CDKAL1: variants seen among roughly 807,000 people sequenced by gnomAD.
The protein encoded by CDKAL1 is CDKAL1 threonylcarbamoyladenosine tRNA methylthiotransferase.
In CDKAL1, 32 loss-of-function variants were observed where a neutral mutation model predicts 68.2. The observed-to-expected ratio is 0.47, with a 90% confidence interval of 0.35 to 0.63. The LOEUF (loss-of-function observed/expected upper bound fraction) is 0.63, where lower values mean the gene tolerates loss of function less well. CDKAL1 is among the 30% of genes least tolerant of loss of function. CDKAL1 has a pLI of 0.00. For missense variants in CDKAL1, 606 were observed against 696.7 expected (o/e 0.87, Z 1.47); for synonymous variants, 234 against 244.3 (o/e 0.96, Z 0.39).
chr6:20,702,392 G>A (rs1395219228), intron 5 of CDKAL1, among the ~76,000 whole-genome samples: 1 of 152,178 alleles, frequency 6.6e-6, no homozygotes, highest in Admixed American at 6.5e-5. Flanking sequence ...CAAGGACAGA[G>A]GGCTTTCTGT....
intron 5 of CDKAL1, among the ~76,000 whole-genome samples, chr6:20,692,657 T>G (rs763715297): frequency 4.6e-5 from 7 of 152,100 alleles, no homozygotes; most frequent in Non-Finnish European, 1.0e-4. Context: ...TAACAGTAAT[T>G]ATCAGTTTTG....
chr6:20,974,812 C>G (rs1471295050), intron 10 of CDKAL1, among the ~76,000 whole-genome samples: 1 of 59,982 alleles, frequency 1.7e-5, no homozygotes, highest in Non-Finnish European at 3.7e-5. Context: ...GACCCAGTCT[C>G]TGCAAAAAAA....
At chr6:20,985,999 C>G (rs1766433602) in intron 10 of CDKAL1, among the ~76,000 whole-genome samples, 1 of 151,966 alleles carries the variant, frequency 6.6e-6, no homozygotes, top group African/African-American at 2.4e-5. Flanking sequence ...CAACATTGTT[C>G]TAATGGTAAT....
At chr6:21,061,161 C>T (rs1026225221) in intron 11 of CDKAL1, among the ~76,000 whole-genome samples, 9 of 152,048 alleles carry the variant, frequency 5.9e-5, no homozygotes, top group African/African-American at 2.2e-4. Context: ...TTTGCCTGTT[C>T]CTTACATGTC....
intron 9 of CDKAL1, among the ~76,000 whole-genome samples, chr6:20,864,738 A>G (rs1056484059): frequency 2.0e-5 from 3 of 152,192 alleles, no homozygotes; most frequent in Middle Eastern, 3.2e-3. Context: ...CTATTTCTTG[A>G]CATTTTATGA....
At chr6:21,169,779 A>G (rs948168302) in intron 13 of CDKAL1, among the ~76,000 whole-genome samples, 9 of 152,208 alleles carry the variant, frequency 5.9e-5, no homozygotes, top group Non-Finnish European at 8.8e-5. Context: ...GGGAGGCCTC[A>G]TAATCATGGT....
intron 5 of CDKAL1, among the ~76,000 whole-genome samples, chr6:20,680,408 A>G (rs1021464264): frequency 5.3e-5 from 8 of 152,186 alleles, no homozygotes; most frequent in Non-Finnish European, 1.0e-4. Flanking sequence ...TTAGAATTTT[A>G]TGTAGGTGTT....
intron 9 of CDKAL1, among the ~76,000 whole-genome samples, chr6:20,856,374 C>G (rs1443214297): frequency 6.6e-6 from 1 of 152,174 alleles, no homozygotes; most frequent in Non-Finnish European, 1.5e-5. Context: ...AAAAACCATA[C>G]TTTTTAAGTG....
chr6:20,654,079 C>T (rs937907564), intron 5 of CDKAL1, among the ~76,000 whole-genome samples: 6 of 151,652 alleles, frequency 4.0e-5, no homozygotes, highest in Non-Finnish European at 7.4e-5. Context: ...GATGTGGTTT[C>T]ACTGTGTTGG....
intron 11 of CDKAL1, among the ~76,000 whole-genome samples, chr6:21,056,275 C>T (rs1770828766): frequency 1.3e-5 from 2 of 152,096 alleles, no homozygotes; most frequent in South Asian, 2.1e-4. Flanking sequence ...ATTTTGTTCT[C>T]TTTGAGGCAA....
intron 13 of CDKAL1, among the ~76,000 whole-genome samples, chr6:21,138,262 GTA>G (rs2151030376): frequency 6.6e-6 from 1 of 150,820 alleles, no homozygotes; most frequent in South Asian, 2.1e-4. Context: ...TGTGTATGCT[GTA>G]TGTGTGTGGG....
intron 4 of CDKAL1, among the ~76,000 whole-genome samples, chr6:20,616,565 T>C (rs1766912020): frequency 6.9e-6 from 1 of 145,732 alleles, no homozygotes; most frequent in Admixed American, 7.0e-5. Context: ...AGTTCACTCA[T>C]GATTTGGCTC....
At chr6:20,584,164 AT>A (rs1163011742) in intron 4 of CDKAL1, among the ~76,000 whole-genome samples, 1 of 151,564 alleles carries the variant, frequency 6.6e-6, no homozygotes, top group African/African-American at 2.4e-5. Context: ...TTAGTTCCTA[AT>A]CTCATTCTTA....
At chr6:20,723,984 G>A (rs1285145874) in intron 5 of CDKAL1, among the ~76,000 whole-genome samples, 6 of 152,174 alleles carry the variant, frequency 3.9e-5, no homozygotes, top group Non-Finnish European at 8.8e-5. Context: ...TCAGGCTGGA[G>A]TGCAGTGGTA....
rs547120049 is a variant in CDKAL1, at chr6:20,678,949, G to A, written c.371+29572G>A. On this transcript the variant is annotated intron_variant, in intron 5 of 15. Coordinates refer to ENST00000274695, the MANE Select transcript of CDKAL1 (RefSeq NM_017774.3). ...GGGTCTTCCTCATACCCAGTCTGGA[G>A]TGCAGTGTCATGAGGCATGGTTGTA... Among the ~76,000 whole-genome samples the A allele has an allele frequency of 2.6e-5, 4 of 152,266 alleles. 1 individual carries two copies. Among genetic ancestry groups the A allele is most frequent in the Admixed American group, 2.6e-4 (4 of 15,294 alleles).
At chr6:20,909,931 A>G (rs771407688) in intron 9 of CDKAL1, among the ~76,000 whole-genome samples, 1 of 152,306 alleles carries the variant, frequency 6.6e-6, no homozygotes, top group Non-Finnish European at 1.5e-5. Context: ...TTACTAATAC[A>G]ATGATTAAAT....
At chr6:21,079,976 C>CTGTGTGTGTGTGTGTGTG (rs764266426) in intron 12 of CDKAL1, among the ~76,000 whole-genome samples, 11,525 of 135,670 alleles carry the variant, frequency 0.085, 600 homozygotes, top group African/African-American at 0.093. Flanking sequence ...AACTTTGTCT[C>CTGTGTGTGTGTGTGTGTG]TGTGTGTGTG....
At chr6:21,008,960 T>A (rs947266183) in intron 11 of CDKAL1, among the ~76,000 whole-genome samples, 3 of 152,204 alleles carry the variant, frequency 2.0e-5, no homozygotes, top group African/African-American at 4.8e-5. Flanking sequence ...TCTTAGAGAT[T>A]CTGTGGACCC....
Position 20,613,183 on chromosome 6 carries a change from A to G in CDKAL1, c.287-36110A>G, listed in dbSNP as rs968264777. ...TTCATTTAACTATTTAGGTTGTTGC[A>G]GAAGTAATTGCAGCTAATATATGAT... On this transcript the variant is annotated intron_variant, in intron 4 of 15. Transcript: ENST00000274695. Among the ~76,000 whole-genome samples, 7 of 149,480 alleles carry G rather than the reference A, an allele frequency of 4.7e-5. 1 individual carries two copies. The Admixed American group carries it at 4.7e-4, about 10-fold the overall frequency.
Sources: gnomAD v4.1 joint callset for allele counts (sites outside exome capture counted in the v4.1 genomes callset) on GRCh38, gnomAD v4.1.1 for gene constraint, MANE v1.5 for transcripts, NCBI Gene and HGNC (gene_info 2026-07-23, HGNC 2026-07-21) for gene names.